EHBP1: variants seen among roughly 807,000 people sequenced by gnomAD.
EHBP1 encodes EH domain binding protein 1, also known as EH domain-binding protein 1.
In EHBP1, 55 loss-of-function variants were observed where a neutral mutation model predicts 144.0. The ratio of observed to expected loss-of-function variants is 0.38; its 90% confidence interval spans 0.31 to 0.48. EHBP1 has a LOEUF of 0.48. Ranked by LOEUF, EHBP1 falls within the 20% of genes least tolerant of loss-of-function variation. EHBP1 has a pLI of 0.98. For synonymous variants in EHBP1, 469 were observed against 472.7 expected (o/e 0.99, Z 0.10); for missense variants, 1,200 against 1,364.2 (o/e 0.88, Z 1.90).
chr2:62,792,845 T>C (rs139247179), intron 5 of EHBP1, among the ~76,000 whole-genome samples: 1 of 152,166 alleles, frequency 6.6e-6, no homozygotes, highest in East Asian at 1.9e-4. Flanking sequence ...AGAAGACATC[T>C]ATTGTAACAG....
At chr2:62,776,763 A>G (rs2042079909) in intron 5 of EHBP1, among the ~76,000 whole-genome samples, 1 of 152,082 alleles carries the variant, frequency 6.6e-6, no homozygotes, top group Non-Finnish European at 1.5e-5. Flanking sequence ...GTAGATAAGA[A>G]TGGATACTAT....
intron 2 of EHBP1, 97 bp from the exon 3 acceptor site, chr2:62,747,298 G>T: frequency 1.0e-6 from 1 of 1,003,610 alleles, no homozygotes; most frequent in Non-Finnish European, 1.5e-6. Flanking sequence ...GCTTTATGTA[G>T]CCTAAAGCAG....
intron 5 of EHBP1, among the ~76,000 whole-genome samples, chr2:62,782,612 C>G (rs932183582): frequency 5.3e-5 from 8 of 152,230 alleles, no homozygotes; most frequent in African/African-American, 1.9e-4. Context: ...TAGCAGGAGA[C>G]AGAATGAATG....
intron 14 of EHBP1, among the ~76,000 whole-genome samples, chr2:62,978,212 T>C (rs893124672): frequency 4.6e-5 from 7 of 151,516 alleles, no homozygotes; most frequent in African/African-American, 1.7e-4. Flanking sequence ...TTTTTTTTTT[T>C]TTTTTGTGAG....
intron 7 of EHBP1, among the ~76,000 whole-genome samples, chr2:62,843,853 G>A (rs2048101787): frequency 2.6e-5 from 4 of 152,088 alleles, no homozygotes; most frequent in Non-Finnish European, 4.4e-5. Context: ...AGTATGGTAA[G>A]TATTTTTATT....
chr2:62,968,770 A>G (rs1177821436), intron 14 of EHBP1, among the ~76,000 whole-genome samples: 2 of 152,220 alleles, frequency 1.3e-5, no homozygotes, highest in African/African-American at 2.4e-5. Flanking sequence ...TACATTGAAT[A>G]ATCAGCCTGT....
intron 8 of EHBP1, among the ~76,000 whole-genome samples, chr2:62,863,797 T>TTTTTA (rs1167322141): frequency 6.6e-6 from 1 of 151,050 alleles, no homozygotes; most frequent in East Asian, 1.9e-4. Flanking sequence ...TTTCCTGTTC[T>TTTTTA]TTTTATTTTA....
intron 2 of EHBP1, among the ~76,000 whole-genome samples, chr2:62,715,794 C>CTGG (rs1558537963): frequency 6.6e-6 from 1 of 152,156 alleles, no homozygotes; most frequent in African/African-American, 2.4e-5. Context: ...CATCAGGTTG[C>CTGG]TTCCAGCCAT....
chr2:63,012,283 A>G (rs2060299427), intron 19 of EHBP1, among the ~76,000 whole-genome samples: 1 of 152,100 alleles, frequency 6.6e-6, no homozygotes, highest in Middle Eastern at 3.2e-3. Context: ...TGTGTCATAT[A>G]GAAATGATCC....
At chr2:62,748,708 A>G (rs1384102868) in intron 3 of EHBP1, among the ~76,000 whole-genome samples, 1 of 152,122 alleles carries the variant, frequency 6.6e-6, no homozygotes, top group Non-Finnish European at 1.5e-5. Flanking sequence ...TTTTATTAGT[A>G]TACAATGACC....
intron 19 of EHBP1, among the ~76,000 whole-genome samples, chr2:63,005,095 T>C (rs539860071): frequency 6.6e-6 from 1 of 152,232 alleles, no homozygotes; most frequent in African/African-American, 2.4e-5. Flanking sequence ...CTTCCATTGT[T>C]CCTGATATGA....
chr2:62,835,763 C>G (rs1280647705), intron 7 of EHBP1, among the ~76,000 whole-genome samples: 5 of 152,150 alleles, frequency 3.3e-5, no homozygotes. Context: ...CACTCACACC[C>G]AAATATTGCG....
Position 62,793,578 on chromosome 2 carries a change from G to T in EHBP1, c.312+22186G>T, listed in dbSNP as rs2043320389. On this transcript the variant is annotated intron_variant, in intron 5 of 22. Coordinates refer to ENST00000431489, the MANE Select transcript of EHBP1 (RefSeq NM_001142616.3). ...ATGAAAGTGATGACTAGGGGTGTGT[G>T]TGGTAAAAATGAAATAAAGTTGAAG... is the stretch of plus-strand genomic sequence containing the variant. Among the ~76,000 whole-genome samples, 3 of 152,104 alleles carry T rather than the reference G, an allele frequency of 2.0e-5. No homozygotes were observed. In the South Asian group the frequency reaches 6.2e-4, roughly 31 times the overall value.
chr2:62,866,639 G>A (rs1382777590), intron 9 of EHBP1, among the ~76,000 whole-genome samples: 1 of 152,054 alleles, frequency 6.6e-6, no homozygotes, highest in Non-Finnish European at 1.5e-5. Flanking sequence ...GTTAAATACT[G>A]CAAAAGGAAA....
intron 15 of EHBP1, among the ~76,000 whole-genome samples, chr2:62,985,894 A>G (rs2059168294): frequency 6.6e-6 from 1 of 152,212 alleles, no homozygotes; most frequent in Non-Finnish European, 1.5e-5. Context: ...TCCCTTGAAT[A>G]TGCCTTTAAG....
chr2:63,008,690 T>A (rs781589872), intron 19 of EHBP1, among the ~76,000 whole-genome samples: 13 of 151,226 alleles, frequency 8.6e-5, no homozygotes, highest in Non-Finnish European at 1.6e-4. Context: ...TAAATGTTAT[T>A]TGTAGTTTTA....
chr2:62,762,920 A>C (rs2040875119), intron 3 of EHBP1, among the ~76,000 whole-genome samples: 1 of 152,140 alleles, frequency 6.6e-6, no homozygotes, highest in Non-Finnish European at 1.5e-5. Flanking sequence ...ATATCTTTGC[A>C]ATGACCTACC....
chr2:63,030,343 T>G (rs2061181127), intron 19 of EHBP1, among the ~76,000 whole-genome samples: 1 of 152,002 alleles, frequency 6.6e-6, no homozygotes, highest in Non-Finnish European at 1.5e-5. Flanking sequence ...CCCCTGAAAT[T>G]TTGGCCTACA....
At chr2:62,944,121 A>T (rs1377072225) in intron 12 of EHBP1, among the ~76,000 whole-genome samples, 1 of 152,056 alleles carries the variant, frequency 6.6e-6, no homozygotes, top group Non-Finnish European at 1.5e-5. Flanking sequence ...CTTTTTTTCT[A>T]AGATTTAGCT....
Sources: allele counts gnomAD v4.1 joint callset (sites outside exome capture counted in the v4.1 genomes callset), GRCh38; gene constraint gnomAD v4.1.1; transcripts MANE v1.5; gene names NCBI Gene and HGNC (gene_info 2026-07-23, HGNC 2026-07-21).